Variants in CELF4 observed in about 807,000 individuals in gnomAD.
CELF4 encodes CUGBP Elav-like family member 4.
CELF4 carries 18 observed loss-of-function variants against 59.9 expected under a neutral mutation model. The ratio of observed to expected loss-of-function variants is 0.30; its 90% CI spans 0.21 to 0.45. The LOEUF (loss-of-function observed/expected upper bound fraction) is 0.45. Among genes scored for constraint, CELF4 ranks in the 20% least tolerant of loss-of-function variants. The pLI is 1.00. For synonymous variants in CELF4, 261 were observed against 267.1 expected, an observed-to-expected ratio of 0.98 and a Z score of 0.22; for missense variants, 456 against 689.0, an observed-to-expected ratio of 0.66 and a Z score of 3.79.
intron 1 of CELF4, among the ~76,000 whole-genome samples, chr18:37,501,924 G>T (rs978288908): frequency 3.9e-5 from 6 of 152,074 alleles, no homozygotes; most frequent in African/African-American, 9.7e-5. Context: ...TCTCACCAAG[G>T]TTCTCTTCTG....
intron 2 of CELF4, among the ~76,000 whole-genome samples, chr18:37,472,965 A>G (rs1603642068): frequency 6.6e-6 from 1 of 152,080 alleles, no homozygotes; most frequent in African/African-American, 2.4e-5. Context: ...GATTTGGTCC[A>G]ATGTTGGAAT....
At chr18:37,362,064 C>T (rs2098712495) in intron 2 of CELF4, among the ~76,000 whole-genome samples, 1 of 152,058 alleles carries the variant, frequency 6.6e-6, no homozygotes, top group Non-Finnish European at 1.5e-5. Context: ...TGGAGGCTGT[C>T]CCTCAGTCTT....
chr18:37,495,624 G>C (rs993663563), intron 1 of CELF4, among the ~76,000 whole-genome samples: 9 of 152,146 alleles, frequency 5.9e-5, no homozygotes, highest in Non-Finnish European at 1.2e-4. Flanking sequence ...CGAGTGAGTG[G>C]CAGAGAATTC....
chr18:37,280,946 T>G (rs1181496408), intron 3 of CELF4, among the ~76,000 whole-genome samples: 1 of 152,140 alleles, frequency 6.6e-6, no homozygotes, highest in African/African-American at 2.4e-5. Flanking sequence ...AAGTGACAGG[T>G]GCTAACGGAA....
intron 2 of CELF4, among the ~76,000 whole-genome samples, chr18:37,396,669 G>A (rs2099249411): frequency 1.3e-5 from 2 of 152,192 alleles, no homozygotes; most frequent in African/African-American, 4.8e-5. Context: ...GAGACAGCAT[G>A]GATGAGGCGG....
Position 37,243,175 on chromosome 18 carries a change from T to TC in CELF4, c.*2066_*2067insG, listed in dbSNP as rs1483179716. On this transcript the variant is annotated 3_prime_UTR_variant, in exon 13 of 13. Coordinates refer to ENST00000420428, the MANE Select transcript of CELF4 (RefSeq NM_020180.4). Reference sequence around the variant, plus strand: ...TGAACTGCAGCTGTTTTCTTTTTTTTTTCTTTTTTTCTTTTTTTTTTTTTT... The same window carrying TC: ...TGAACTGCAGCTGTTTTCTTTTTTTTCTTCTTTTTTTCTTTTTTTTTTTTTT... The TC allele has an allele frequency of 2.1e-5, 3 of 143,158 alleles. No individual in the cohort carries two copies. The East Asian group carries it at 6.0e-4, about 29-fold the overall frequency. 8.9% of individuals were successfully genotyped at this position (143,158 alleles called of 1,614,324 possible). A position where few individuals can be genotyped will look rare whatever the true frequency, so the allele number is the denominator to read the frequency against.
At chr18:37,504,265 T>A (rs753451410) in intron 1 of CELF4, among the ~76,000 whole-genome samples, 2 of 151,874 alleles carry the variant, frequency 1.3e-5, no homozygotes, top group Non-Finnish European at 1.5e-5. Flanking sequence ...CCAAGGCAGG[T>A]GGATCTTCTG....
intron 1 of CELF4, among the ~76,000 whole-genome samples, chr18:37,498,487 A>G (rs1179053542): frequency 9.0e-6 from 1 of 110,780 alleles, no homozygotes; most frequent in African/African-American, 3.7e-5. Context: ...TTTCTTCTTT[A>G]TGTCCTTTCC....
At chr18:37,445,629 G>A (rs1303492587) in intron 2 of CELF4, among the ~76,000 whole-genome samples, 1 of 152,080 alleles carries the variant, frequency 6.6e-6, no homozygotes, top group Non-Finnish European at 1.5e-5. Context: ...CCGCAAGGAT[G>A]GGGTGGCAGA....
intron 2 of CELF4, among the ~76,000 whole-genome samples, chr18:37,332,656 C>G (rs989463899): frequency 6.6e-6 from 1 of 152,242 alleles, no homozygotes; most frequent in African/African-American, 2.4e-5. Context: ...CTCAAGCACA[C>G]TGCTGGTTTC....
At chr18:37,383,221 A>G (rs1047694237) in intron 2 of CELF4, among the ~76,000 whole-genome samples, 8 of 152,158 alleles carry the variant, frequency 5.3e-5, no homozygotes, top group African/African-American at 1.9e-4. Flanking sequence ...AGGCGCTGAG[A>G]AAGGCTGAGG....
intron 1 of CELF4, among the ~76,000 whole-genome samples, chr18:37,525,076 C>T (rs1404010479): frequency 1.3e-5 from 2 of 152,160 alleles, no homozygotes; most frequent in Admixed American, 6.5e-5. Context: ...GCCGACCACC[C>T]TTCTGGTATC....
intron 3 of CELF4, among the ~76,000 whole-genome samples, chr18:37,285,203 G>T (rs927539056): frequency 6.6e-6 from 1 of 152,208 alleles, no homozygotes; most frequent in African/African-American, 2.4e-5. Flanking sequence ...CCCCAGTCCT[G>T]CCCATCCCTC....
intron 2 of CELF4, among the ~76,000 whole-genome samples, chr18:37,391,270 A>C (rs2099158739): frequency 6.6e-6 from 1 of 152,150 alleles, no homozygotes; most frequent in Non-Finnish European, 1.5e-5. Context: ...ACCTTTTCTT[A>C]ACCATCTAGG....
At chr18:37,515,947 C>T (rs1213784558) in intron 1 of CELF4, among the ~76,000 whole-genome samples, 1 of 152,104 alleles carries the variant, frequency 6.6e-6, no homozygotes, top group Non-Finnish European at 1.5e-5. Context: ...TTGTAGCATC[C>T]CAGCATTTAG....
At chr18:37,556,003 T>C (rs1745907035) in intron 1 of CELF4, among the ~76,000 whole-genome samples, 1 of 152,184 alleles carries the variant, frequency 6.6e-6, no homozygotes. Context: ...ACACTGTTCC[T>C]TTTAGAGCTG....
intron 1 of CELF4, among the ~76,000 whole-genome samples, chr18:37,559,663 G>A (rs1296621622): frequency 6.6e-6 from 1 of 152,162 alleles, no homozygotes; most frequent in African/African-American, 2.4e-5. Flanking sequence ...TGGAAGGTGT[G>A]AGCCCTGGAC....
chr18:37,255,218 C>T (rs555013061), intron 11 of CELF4, among the ~76,000 whole-genome samples: 1 of 152,130 alleles, frequency 6.6e-6, no homozygotes, highest in African/African-American at 2.4e-5. Flanking sequence ...CACAGCCACC[C>T]GGGAGTGAAG....
At chr18:37,293,217 G>A (rs1323129252) in intron 3 of CELF4, among the ~76,000 whole-genome samples, 2 of 152,222 alleles carry the variant, frequency 1.3e-5, no homozygotes, top group Admixed American at 1.3e-4. Flanking sequence ...AGAGCAACAC[G>A]GATCTATTCT....
Sources: allele counts gnomAD v4.1 joint callset (sites outside exome capture counted in the v4.1 genomes callset), GRCh38; gene constraint gnomAD v4.1.1; transcripts MANE v1.5; gene names NCBI Gene and HGNC (gene_info 2026-07-23, HGNC 2026-07-21).